The following BMP3 variants were observed in gnomAD, a reference collection of about 807,000 sequenced individuals.
The protein encoded by BMP3 is bone morphogenetic protein 3.
Under a neutral mutation model 38.1 loss-of-function variants are expected in BMP3, and 23 were observed. The observed-to-expected ratio is 0.60, with a 90% CI of 0.43 to 0.86. BMP3 has a LOEUF of 0.86. BMP3 is among the 40% of genes least tolerant of loss of function. BMP3 has a pLI of 0.00. For synonymous variants in BMP3, 258 were observed against 225.7 expected (o/e 1.14, Z -1.28); for missense variants, 628 against 579.6 (o/e 1.08, Z -0.86).
At chr4:81,045,249 T>C (rs1578297690) in intron 1 of BMP3, among the ~76,000 whole-genome samples, 1 of 152,212 alleles carries the variant, frequency 6.6e-6, no homozygotes. Flanking sequence ...TGGCCATTTA[T>C]ATATCTTCTT....
chr4:81,046,272 A>T lies in BMP3; in HGVS notation c.851A>T (p.Glu284Val), dbSNP rs751449569. Residue 284 changes from glutamate (E) to valine (V), a missense_variant, in exon 2 of 3, where the codon GAG becomes GTG. By Grantham distance (121) the Glu-to-Val change is moderately radical (BLOSUM62 -2). Coordinates refer to ENST00000282701, the MANE Select transcript of BMP3 (RefSeq NM_001201.5). ...DSHIRAALSI[E>V]RRKKRSTGVL... ...CACATCAGAGCTGCCCTTTCCATTG[A>T]GCGGAGGAAGAAGCGCTCTACTGGG... 6.2e-6 allele frequency: 10 copies of T among 1,613,944 alleles called. No individual in the cohort carries two copies. The African/African-American group carries it at 1.2e-4, about 19-fold the overall frequency.
At position 81,056,536 on chromosome 4, in the gene BMP3, C is replaced by T. The variant is rs10007784; in HGVS notation, c.*3000C>T. 94,255 of 152,386 alleles carry T rather than the reference C, an allele frequency of 0.62. 34,125 individuals are homozygous for T. The highest frequency in any genetic ancestry group is 0.81 in the East Asian group (4,180 of 5,162). The allele number at this position is 152,386 out of a possible 1,614,324, so 9.4% of individuals were successfully genotyped here. A position where few individuals can be genotyped will look rare whatever the true frequency, so the allele number is the denominator to read the frequency against. ...ATTTGATAAAAAGAATTCTTTTTCTCAATAACTGTTCTCTTGAATTCAAAT... is the reference window on the plus strand; with the variant it reads ...ATTTGATAAAAAGAATTCTTTTTCTTAATAACTGTTCTCTTGAATTCAAAT... On this transcript the variant is annotated 3_prime_UTR_variant, in exon 3 of 3. Transcript: ENST00000282701.
chr4:81,042,552 A>T (rs1740109121), intron 1 of BMP3, among the ~76,000 whole-genome samples: 1 of 152,228 alleles, frequency 6.6e-6, no homozygotes, highest in Non-Finnish European at 1.5e-5. Flanking sequence ...AGGCAGTAAG[A>T]CAGATTCTGA....
intron 1 of BMP3, among the ~76,000 whole-genome samples, chr4:81,034,391 T>A (rs1397350323): frequency 6.6e-6 from 1 of 152,168 alleles, no homozygotes; most frequent in Non-Finnish European, 1.5e-5. Context: ...GATATGAAAT[T>A]AGCATTTATT....
chr4:81,044,187 C>T (rs1740168879), intron 1 of BMP3, among the ~76,000 whole-genome samples: 1 of 152,134 alleles, frequency 6.6e-6, no homozygotes, highest in African/African-American at 2.4e-5. Context: ...ATACGTGCCT[C>T]AGATAAAAAG....
intron 1 of BMP3, among the ~76,000 whole-genome samples, chr4:81,045,470 G>A (rs1311480661): frequency 6.6e-6 from 1 of 151,998 alleles, no homozygotes; most frequent in Non-Finnish European, 1.5e-5. Flanking sequence ...ATGAAGTCCA[G>A]TTTATTTTAT....
chr4:81,031,425 C>A lies in BMP3; in HGVS notation c.141C>A (p.Asp47Glu). 1.2e-6 allele frequency: 2 copies of A among 1,613,710 alleles called. No individual in the cohort carries two copies. The highest frequency in any genetic ancestry group is 1.7e-6 in the Non-Finnish European group (2 of 1,179,890). The change falls in exon 1 of 3, where the codon GAC becomes GAA. Residue 47 changes from aspartate (D) to glutamate (E), a missense_variant. Physicochemically the swap from Asp to Glu is conservative, Grantham distance 45 (BLOSUM62 2). Transcript: ENST00000282701. ...PGDRTAGGGP[D>E]SELQPQDKVS... ...ACCGCACGGCAGGTGGTGGCCCGGA[C>A]TCCGAGCTGCAGCCGCAAGACAAGG... is the stretch of plus-strand genomic sequence containing the variant.
chr4:81,036,660 T>C (rs1276570065), intron 1 of BMP3, among the ~76,000 whole-genome samples: 1 of 152,036 alleles, frequency 6.6e-6, no homozygotes, highest in Non-Finnish European at 1.5e-5. Context: ...ATAGAATTTG[T>C]AATAGAAATA....
intron 2 of BMP3, 101 bp downstream of exon 2, chr4:81,046,749 G>T: frequency 7.2e-7 from 1 of 1,382,824 alleles, no homozygotes; most frequent in Non-Finnish European, 9.8e-7. Context: ...GTAAGTGTTT[G>T]TGTTTCCATT....
intron 2 of BMP3, among the ~76,000 whole-genome samples, chr4:81,052,531 GAA>G (rs1740423030): frequency 6.6e-6 from 1 of 152,138 alleles, no homozygotes; most frequent in African/African-American, 2.4e-5. Context: ...CTTCTTTGGT[GAA>G]AGTTCTGGTA....
chr4:81,047,928 G>A (rs1237785653), intron 2 of BMP3, among the ~76,000 whole-genome samples: 5 of 135,734 alleles, frequency 3.7e-5, no homozygotes, highest in East Asian at 2.2e-4. Context: ...GTGAGACAGC[G>A]AGACCCTGAC....
intron 1 of BMP3, among the ~76,000 whole-genome samples, chr4:81,038,832 A>C (rs780366264): frequency 6.6e-6 from 1 of 152,210 alleles, no homozygotes; most frequent in African/African-American, 2.4e-5. Context: ...AAGTACTAGG[A>C]ATTCAAAGAT....
At chr4:81,041,106 A>G (rs1740061834) in intron 1 of BMP3, among the ~76,000 whole-genome samples, 1 of 152,210 alleles carries the variant, frequency 6.6e-6, no homozygotes, top group African/African-American at 2.4e-5. Context: ...ATAAGTATGG[A>G]AAGTTACTCA....
Position 81,056,279 on chromosome 4 carries a change from C to T in BMP3, c.*2743C>T, listed in dbSNP as rs1302466437. ...CTCTCTTCCCCCACAAGTAATCTCT[C>T]TACCCCATGCAGTGTGCACACACAC... On this transcript the variant is annotated 3_prime_UTR_variant, in exon 3 of 3. Transcript: ENST00000282701. The T allele has an allele frequency of 6.6e-6, 1 of 151,524 alleles. No individual in the cohort carries two copies. The highest frequency in any genetic ancestry group is 6.6e-5 in the Admixed American group (1 of 15,216). The allele number at this position is 151,524 out of a possible 1,614,324, so 9.4% of individuals were successfully genotyped here.
In BMP3 at chr4:81,057,052, G is replaced by A. The variant is rs1309909824; in HGVS notation, c.*3516G>A. The A allele has an allele frequency of 6.6e-6, 1 of 152,360 alleles. No homozygotes were observed. Among genetic ancestry groups the A allele is most frequent in the Non-Finnish European group, 1.5e-5 (1 of 67,962 alleles). The allele number at this position is 152,360 out of a possible 1,614,324, so 9.4% of individuals were successfully genotyped here. A position where few individuals can be genotyped will look rare whatever the true frequency, so the allele number is the denominator to read the frequency against. ...TTAAATAAGAAATCTTGGGTAAGTT[G>A]GACTTTTCTGTATAGCTCTTTTTTC... On this transcript the variant is annotated 3_prime_UTR_variant, in exon 3 of 3. Transcript: ENST00000282701.
Position 81,045,850 on chromosome 4 carries a change from C to A in BMP3, c.429C>A (p.Ser143Arg), listed in dbSNP as rs1316736469. 2 of 1,614,110 alleles carry A rather than the reference C, an allele frequency of 1.2e-6. No individual in the cohort carries two copies. Among genetic ancestry groups the A allele is most frequent in the East Asian group, 4.5e-5 (2 of 44,878 alleles). Residue 143 changes from serine (S) to arginine (R), a missense_variant, in exon 2 of 3, where the codon AGC becomes AGA. Transcript: ENST00000282701. ...GTATTGGAGAGCTAGGAAACATCAG[C>A]CTGAGTTGTCCAGTGTCTGGAGGAT... Reference protein sequence around the residue: ...YFCIGELGNISLSCPVSGGCS... With the variant: ...YFCIGELGNIRLSCPVSGGCS...
At chr4:81,052,999 CT>C (rs1394381124) in intron 2 of BMP3, among the ~76,000 whole-genome samples, 1 of 152,048 alleles carries the variant, frequency 6.6e-6, no homozygotes, top group Non-Finnish European at 1.5e-5. Flanking sequence ...TTAAATGATT[CT>C]TGCTGAGATA....
At position 81,055,573 on chromosome 4, in the gene BMP3, C is replaced by A. The variant is rs62304300; in HGVS notation, c.*2037C>A. ...GCCAGAGTGTGGCCACCATCCTGAT[C>A]GTACTGTTTTTCAATAAAGAAAACT... On this transcript the variant is annotated 3_prime_UTR_variant, in exon 3 of 3. Transcript: ENST00000282701. 1 of 152,044 alleles carries A rather than the reference C, an allele frequency of 6.6e-6. No homozygotes were observed. The highest frequency in any genetic ancestry group is 1.5e-5 in the Non-Finnish European group (1 of 67,976). The allele number at this position is 152,044 out of a possible 1,614,324, so 9.4% of individuals were successfully genotyped here.
intron 2 of BMP3, among the ~76,000 whole-genome samples, chr4:81,049,079 A>G (rs1044723221): frequency 6.6e-6 from 1 of 152,236 alleles, no homozygotes; most frequent in Non-Finnish European, 1.5e-5. Flanking sequence ...AGTAAAAATA[A>G]TAGTTTCTAT....
Sources: gnomAD v4.1 joint callset for allele counts (sites outside exome capture counted in the v4.1 genomes callset) on GRCh38, gnomAD v4.1.1 for gene constraint, MANE v1.5 for transcripts, NCBI Gene and HGNC (gene_info 2026-07-23, HGNC 2026-07-21) for gene names.